Variants in WASHC5 observed in about 807,000 individuals in gnomAD.
The protein encoded by WASHC5 is WASH complex subunit strumpellin.
In WASHC5, 101 loss-of-function variants were observed where a neutral mutation model predicts 150.4. The observed-to-expected ratio is 0.67, with a 90% CI of 0.57 to 0.79. The LOEUF is 0.79. Ranked by LOEUF, WASHC5 falls within the 30% of genes least tolerant of loss-of-function variation. WASHC5 has a pLI of 0.00. For synonymous variants in WASHC5, 467 were observed against 491.2 expected (o/e 0.95, Z 0.65); for missense variants, 1,195 against 1,396.3 (o/e 0.86, Z 2.30).
At chr8:125,055,503 C>G (rs370367581) in intron 17 of WASHC5, 88 bp downstream of exon 17, 4 of 808,826 alleles carry the variant, frequency 4.9e-6, no homozygotes, top group South Asian at 4.0e-5. Context: ...GATGATGTCA[C>G]TCCCTTTTGC....
chr8:125,058,987 C>T (rs1468203766), intron 14 of WASHC5, among the ~76,000 whole-genome samples: 3 of 152,112 alleles, frequency 2.0e-5, no homozygotes, highest in Non-Finnish European at 4.4e-5. Context: ...CTATTCTTCA[C>T]CTAAAAATAG....
At chr8:125,032,663 A>G (rs1815576114) in intron 26 of WASHC5, 1 of 462,432 alleles carries the variant, frequency 2.2e-6, no homozygotes, top group African/African-American at 2.0e-5. Context: ...CAATTAACAT[A>G]TATTATTGTA....
At chr8:125,069,214 C>T (rs997237359) in intron 9 of WASHC5, among the ~76,000 whole-genome samples, 3 of 152,188 alleles carry the variant, frequency 2.0e-5, no homozygotes, top group African/African-American at 7.2e-5. Context: ...CTCTTGCACC[C>T]ACTATCTTGC....
At chr8:125,084,647 T>C (rs1817366561) in intron 1 of WASHC5, among the ~76,000 whole-genome samples, 1 of 152,250 alleles carries the variant, frequency 6.6e-6, no homozygotes, top group Non-Finnish European at 1.5e-5. Context: ...CAATGCACTC[T>C]CTGAGGATGG....
In WASHC5 at chr8:125,024,682, T is replaced by C; in HGVS notation, c.3424-9A>G. 4 of 1,581,566 alleles carry C rather than the reference T, an allele frequency of 2.5e-6. No homozygotes were observed. Among genetic ancestry groups the C allele is most frequent in the Non-Finnish European group, 3.5e-6 (4 of 1,150,660 alleles). On this transcript the variant is annotated splice_polypyrimidine_tract_variant and intron_variant, in intron 28 of 28. Transcript: ENST00000318410. ...ACATGTGCTTCAGCAACCTGAAAAA[T>C]TAAAGAATTAAATTATTCATGGTGT...
At chr8:125,076,522 C>T (rs780737204) in intron 6 of WASHC5, 22 bp from the exon 7 acceptor site, 15 of 1,612,724 alleles carry the variant, frequency 9.3e-6, no homozygotes, top group South Asian at 2.2e-5. Context: ...AGACGACACC[C>T]CGAGAAAGCT....
At chr8:125,068,649 G>C (rs1434778426) in intron 9 of WASHC5, among the ~76,000 whole-genome samples, 1 of 152,154 alleles carries the variant, frequency 6.6e-6, no homozygotes, top group East Asian at 1.9e-4. Context: ...ACACAACAAG[G>C]AAGGGTTCCT....
intron 9 of WASHC5, among the ~76,000 whole-genome samples, chr8:125,072,059 G>A (rs1372179412): frequency 1.3e-5 from 2 of 151,994 alleles, no homozygotes; most frequent in East Asian, 3.9e-4. Context: ...TATATTTACA[G>A]GCTGGGCATG....
Position 125,043,857 on chromosome 8 carries a change from T to A in WASHC5, c.2818A>T (p.Ile940Phe). The A allele has an allele frequency of 1.2e-6, 2 of 1,612,700 alleles. No individual in the cohort carries two copies. The highest frequency in any genetic ancestry group is 2.2e-5 in the South Asian group (2 of 91,058). Reference sequence around the variant, plus strand: ...ATAGCCTCGAGATACGCAGTCCAAATCTTCTGTGTTTTGGCAATGGCGGAA... The same window carrying A: ...ATAGCCTCGAGATACGCAGTCCAAAACTTCTGTGTTTTGGCAATGGCGGAA... ...YFSAIAKTQK[I>F]WTAYLEAIMK... Residue 940 changes from isoleucine (I) to phenylalanine (F), a missense_variant, in exon 23 of 29, where the codon ATT becomes TTT. Physicochemically the swap from Ile to Phe is conservative, Grantham distance 21. Transcript: ENST00000318410.
intron 1 of WASHC5, among the ~76,000 whole-genome samples, chr8:125,089,219 G>A (rs1209545722): frequency 6.6e-6 from 1 of 152,128 alleles, no homozygotes; most frequent in Non-Finnish European, 1.5e-5. Flanking sequence ...TGGACAGTGG[G>A]CAAAACAGTC....
At chr8:125,034,984 A>G (rs1815656529) in intron 26 of WASHC5, among the ~76,000 whole-genome samples, 2 of 152,234 alleles carry the variant, frequency 1.3e-5, no homozygotes, top group African/African-American at 4.8e-5. Flanking sequence ...TCGGATATAC[A>G]GTTTCAAGGC....
intron 6 of WASHC5, 64 bp downstream of exon 6, chr8:125,078,674 A>T: frequency 7.6e-7 from 1 of 1,311,746 alleles, no homozygotes; most frequent in Non-Finnish European, 1.1e-6. Context: ...AGGAGTAATT[A>T]AAGAGGGAAG....
At chr8:125,090,951 T>G (rs1817602123) in intron 1 of WASHC5, among the ~76,000 whole-genome samples, 1 of 152,134 alleles carries the variant, frequency 6.6e-6, no homozygotes, top group South Asian at 2.1e-4. Flanking sequence ...TTAGAGAAGG[T>G]GTCCCTTGTA....
At chr8:125,040,965 T>C (rs1219609795) in intron 23 of WASHC5, among the ~76,000 whole-genome samples, 1 of 152,236 alleles carries the variant, frequency 6.6e-6, no homozygotes, top group Non-Finnish European at 1.5e-5. Context: ...AAGCCAGTTG[T>C]AATGAAATAT....
intron 18 of WASHC5, 55 bp from the exon 19 acceptor site, chr8:125,049,240 C>A (rs879455414): frequency 3.2e-6 from 5 of 1,568,564 alleles, no homozygotes; most frequent in Non-Finnish European, 4.4e-6. Flanking sequence ...GTCAACTATT[C>A]GTTCTAATAT....
chr8:125,068,749 A>C (rs1191469974), intron 9 of WASHC5, among the ~76,000 whole-genome samples: 1 of 152,190 alleles, frequency 6.6e-6, no homozygotes, highest in African/African-American at 2.4e-5. Context: ...GCAGGCAGTC[A>C]GAGTTTTCTG....
At chr8:125,073,053 G>C in intron 9 of WASHC5, 100 bp downstream of exon 9, 2 of 1,245,864 alleles carry the variant, frequency 1.6e-6, no homozygotes, top group South Asian at 1.2e-5. Flanking sequence ...CTCATCCAAG[G>C]CCTCTCTCCC....
chr8:125,071,797 C>T (rs1230201219), intron 9 of WASHC5, among the ~76,000 whole-genome samples: 1 of 152,220 alleles, frequency 6.6e-6, no homozygotes, highest in African/African-American at 2.4e-5. Context: ...TATTCTCTCA[C>T]CATCCCAGAA....
intron 26 of WASHC5, among the ~76,000 whole-genome samples, chr8:125,036,451 G>A (rs1040555887): frequency 5.3e-5 from 8 of 152,126 alleles, no homozygotes; most frequent in African/African-American, 1.9e-4. Context: ...CAGGTGGATC[G>A]CTTGAGCCTA....
Sources: allele counts gnomAD v4.1 joint callset (sites outside exome capture counted in the v4.1 genomes callset), GRCh38; gene constraint gnomAD v4.1.1; transcripts MANE v1.5; gene names NCBI Gene and HGNC (gene_info 2026-07-23, HGNC 2026-07-21).